The following ZC3H12B variants were observed in gnomAD, a reference collection of about 807,000 sequenced individuals.
ZC3H12B encodes the protein zinc finger CCCH-type containing 12B, also known as probable ribonuclease ZC3H12B.
ZC3H12B carries 7 observed loss-of-function variants against 43.9 expected under a neutral mutation model. The observed-to-expected ratio is 0.16, with a 90% CI of 0.09 to 0.30. ZC3H12B has a LOEUF of 0.30. Ranked by LOEUF, ZC3H12B falls within the 10% of genes least tolerant of loss-of-function variation. The pLI is 1.00. For missense variants in ZC3H12B, 475 were observed against 670.2 expected (o/e 0.71, Z 3.22); for synonymous variants, 222 against 241.7 (o/e 0.92, Z 0.76).
chrX:65,456,100 A>G (rs1233478316), intron 3 of ZC3H12B, among the ~76,000 whole-genome samples: 2 of 111,659 alleles, frequency 1.8e-5, no homozygotes, highest in African/African-American at 6.5e-5. Context: ...TAGCATCATA[A>G]GGACAGGATC....
intron 3 of ZC3H12B, among the ~76,000 whole-genome samples, chrX:65,429,609 G>C (rs1419459150): frequency 8.9e-6 from 1 of 112,476 alleles, no homozygotes; most frequent in African/African-American, 3.2e-5. Flanking sequence ...CTCCAAAGCT[G>C]GCAGGCTGGA....
chrX:65,243,297 T>C, the ZC3H12B span, among the ~76,000 whole-genome samples: 1 of 112,229 alleles, frequency 8.9e-6, no homozygotes, highest in Non-Finnish European at 1.9e-5. Context: ...GTTTTACAAA[T>C]GGGTGAAAGA....
At chrX:65,244,205 T>C in the ZC3H12B span, among the ~76,000 whole-genome samples, 2 of 111,551 alleles carry the variant, frequency 1.8e-5, no homozygotes, top group South Asian at 7.5e-4. Context: ...TTATACGTTG[T>C]ATACTTGTAT....
At chrX:65,145,890 G>A in the ZC3H12B span, among the ~76,000 whole-genome samples, 6 of 110,878 alleles carry the variant, frequency 5.4e-5, no homozygotes, top group East Asian at 2.8e-4. Context: ...AGGTTACCTC[G>A]TGCTTTTGTC....
chrX:65,122,743 T>C, the ZC3H12B span, among the ~76,000 whole-genome samples: 1 of 111,108 alleles, frequency 9.0e-6, no homozygotes, highest in Admixed American at 9.6e-5. Context: ...TCCTAGTCTG[T>C]GATAAAACAG....
chrX:65,256,378 A>G, the ZC3H12B span, among the ~76,000 whole-genome samples: 1 of 101,765 alleles, frequency 9.8e-6, no homozygotes, highest in Non-Finnish European at 1.9e-5. Flanking sequence ...AATCAATAAT[A>G]AGAAAATCAA....
chrX:65,244,727 CAAAAAAA>C, the ZC3H12B span, among the ~76,000 whole-genome samples: 244 of 20,332 alleles, frequency 0.012, 1 homozygote, highest in South Asian at 0.065. Flanking sequence ...AATACCTTGC[CAAAAAAA>C]AAAAAAAAAA....
At chrX:65,158,485 G>A in the ZC3H12B span, among the ~76,000 whole-genome samples, 19 of 111,982 alleles carry the variant, frequency 1.7e-4, no homozygotes, top group Admixed American at 2.9e-4. Context: ...GAGATGGTAT[G>A]TCATTGTGGT....
the ZC3H12B span, among the ~76,000 whole-genome samples, chrX:65,194,584 T>C: frequency 8.9e-6 from 1 of 111,964 alleles, no homozygotes; most frequent in Non-Finnish European, 1.9e-5. Context: ...GACTTGGTTT[T>C]GACCTAATAT....
the ZC3H12B span, among the ~76,000 whole-genome samples, chrX:65,076,976 A>G: frequency 9.0e-6 from 1 of 111,536 alleles, no homozygotes; most frequent in African/African-American, 3.3e-5. Context: ...TTGCATAAGG[A>G]ATGATTTTCC....
At chrX:65,213,181 T>G in the ZC3H12B span, among the ~76,000 whole-genome samples, 1 of 110,141 alleles carries the variant, frequency 9.1e-6, no homozygotes, top group Admixed American at 9.9e-5. Context: ...TAATTGTTGC[T>G]TTTTATTCAG....
chrX:65,146,104 C>T, the ZC3H12B span, among the ~76,000 whole-genome samples: 1 of 111,041 alleles, frequency 9.0e-6, no homozygotes, highest in Non-Finnish European at 1.9e-5. Flanking sequence ...TCTCTTTTTC[C>T]TCAGGAACAT....
At chrX:65,235,224 T>C in the ZC3H12B span, among the ~76,000 whole-genome samples, 1 of 111,755 alleles carries the variant, frequency 8.9e-6, no homozygotes, top group African/African-American at 3.3e-5. Context: ...ATGGGATTGC[T>C]GGGTCAAATG....
chrX:65,257,758 A>G, the ZC3H12B span, among the ~76,000 whole-genome samples: 16 of 111,267 alleles, frequency 1.4e-4, no homozygotes, highest in Non-Finnish European at 1.7e-4. Context: ...AAACACTCCT[A>G]TGCACACAAA....
the ZC3H12B span, among the ~76,000 whole-genome samples, chrX:65,140,244 G>A: frequency 1.8e-5 from 2 of 110,989 alleles, no homozygotes; most frequent in African/African-American, 6.5e-5. Flanking sequence ...TTCATATATG[G>A]CCTTTATTGT....
chrX:65,296,247 A>C, the ZC3H12B span, among the ~76,000 whole-genome samples: 1 of 111,719 alleles, frequency 9.0e-6, no homozygotes. Flanking sequence ...TAAGTGAAGT[A>C]ACTCAGGAAT....
the ZC3H12B span, among the ~76,000 whole-genome samples, chrX:65,046,056 C>T: frequency 9.0e-6 from 1 of 111,513 alleles, no homozygotes; most frequent in South Asian, 3.8e-4. Context: ...GTCCTCCAGG[C>T]TTTATTGTTC....
At chrX:65,302,570 G>C in the ZC3H12B span, among the ~76,000 whole-genome samples, 1 of 112,090 alleles carries the variant, frequency 8.9e-6, no homozygotes, top group Non-Finnish European at 1.9e-5. Context: ...ATATTTTGAA[G>C]ATGTCACTTC....
At chrX:65,343,369 G>A in the ZC3H12B span, among the ~76,000 whole-genome samples, 208 of 111,380 alleles carry the variant, frequency 1.9e-3, no homozygotes, top group African/African-American at 6.4e-3. Flanking sequence ...CAAAGATACA[G>A]CAACAACAAT....
Sources: allele counts gnomAD v4.1 joint callset (sites outside exome capture counted in the v4.1 genomes callset), GRCh38; gene constraint gnomAD v4.1.1; transcripts MANE v1.5; gene names NCBI Gene and HGNC (gene_info 2026-07-23, HGNC 2026-07-21).